The following ZNF254 variants were observed in gnomAD, a reference collection of about 807,000 sequenced individuals.
The protein encoded by ZNF254 is CTD-2017D11.1.
ZNF254 carries 10 observed loss-of-function variants against 12.4 expected under a neutral mutation model. The ratio of observed to expected loss-of-function variants is 0.80; its 90% confidence interval spans 0.50 to 1.36. ZNF254 has a LOEUF of 1.36. Ranked by LOEUF, ZNF254 falls within the 40% of genes most tolerant of loss-of-function variation. The pLI is 0.00. For synonymous variants in ZNF254, 305 were observed against 253.4 expected, an observed-to-expected ratio of 1.20 and a Z score of -1.93; for missense variants, 996 against 763.9, an observed-to-expected ratio of 1.30 and a Z score of -3.58.
chr19:24,063,032 C>T (rs527692839), intron 2 of ZNF254, among the ~76,000 whole-genome samples: 1 of 152,032 alleles, frequency 6.6e-6, no homozygotes, highest in Non-Finnish European at 1.5e-5. Context: ...AACTCCTGAC[C>T]TCAAGTGATC....
intron 1 of ZNF254, among the ~76,000 whole-genome samples, chr19:24,092,939 G>A (rs1021773569): frequency 1.3e-5 from 2 of 152,168 alleles, no homozygotes; most frequent in African/African-American, 2.4e-5. Context: ...GTGTATAAGC[G>A]TTCCCTTTTC....
rs775301370 is a variant in ZNF254 at position 24,127,791 on chromosome 19, T to C, written c.1791T>C (p.Thr597=). 6.2e-7 allele frequency: 1 copy of C among 1,612,880 alleles called. No homozygotes were observed. Among genetic ancestry groups the C allele is most frequent in the Non-Finnish European group, 8.5e-7 (1 of 1,179,624 alleles). Residue 597 remains threonine (T), a synonymous_variant, in exon 4 of 4, where the codon ACT becomes ACC. Coordinates refer to ENST00000357002, the MANE Select transcript of ZNF254 (RefSeq NM_203282.4). ...STFTKHKVIH[T]GVKPYKCEEC... ...TTACTAAACATAAGGTAATTCATAC[T>C]GGAGTAAAACCCTACAAATGTGAAG... is the stretch of plus-strand genomic sequence containing the variant.
chr19:24,063,923 T>C (rs563279417), intron 2 of ZNF254: 25 of 152,274 alleles, frequency 1.6e-4, no homozygotes, highest in Admixed American at 1.4e-3. Flanking sequence ...TTACAATCTC[T>C]TCTACGGGCA....
At chr19:24,061,651 A>T (rs981841673) in intron 2 of ZNF254, among the ~76,000 whole-genome samples, 1 of 151,858 alleles carries the variant, frequency 6.6e-6, no homozygotes, top group Non-Finnish European at 1.5e-5. Flanking sequence ...AGGTAATGTC[A>T]CTCTCCTGGG....
chr19:24,096,458 A>G (rs998399616), intron 1 of ZNF254, among the ~76,000 whole-genome samples: 4 of 152,142 alleles, frequency 2.6e-5, no homozygotes, highest in African/African-American at 9.7e-5. Flanking sequence ...TTTAATTTTT[A>G]TGTAATTGTA....
At chr19:24,119,314 C>T (rs988475743) in intron 3 of ZNF254, among the ~76,000 whole-genome samples, 1 of 151,934 alleles carries the variant, frequency 6.6e-6, no homozygotes, top group Non-Finnish European at 1.5e-5. Flanking sequence ...GTCTCAGCCT[C>T]CCAAGCAGCT....
intron 2 of ZNF254, among the ~76,000 whole-genome samples, chr19:24,049,215 TTTTTTTTTTTTTTTTA>T (rs1970550793): frequency 3.8e-5 from 1 of 26,612 alleles, no homozygotes; most frequent in Non-Finnish European, 8.4e-5. Flanking sequence ...TATATATATA[TTTTTTTTTTTTTTTTA>T]ATTTATTTAT....
chr19:24,055,525 C>T (rs1487048289), intron 2 of ZNF254, among the ~76,000 whole-genome samples: 1 of 152,082 alleles, frequency 6.6e-6, no homozygotes, highest in Non-Finnish European at 1.5e-5. Context: ...GATCCACCTG[C>T]ATCAGCCTCC....
intron 2 of ZNF254, among the ~76,000 whole-genome samples, chr19:24,047,934 A>T (rs1599586942): frequency 7.2e-6 from 1 of 139,446 alleles, no homozygotes; most frequent in Non-Finnish European, 1.5e-5. Flanking sequence ...TGATCTGCCC[A>T]CCTTAGCCTC....
chr19:24,042,770 C>T (rs1365649278), intron 1 of ZNF254, among the ~76,000 whole-genome samples: 1 of 152,196 alleles, frequency 6.6e-6, no homozygotes, highest in African/African-American at 2.4e-5. Context: ...ACTTTCCTCT[C>T]CACTAATATC....
intron 1 of ZNF254, among the ~76,000 whole-genome samples, chr19:24,092,418 C>G (rs1417906452): frequency 1.3e-5 from 2 of 151,680 alleles, no homozygotes; most frequent in Non-Finnish European, 2.9e-5. Context: ...GATCCACCCT[C>G]CCCCCCGGCC....
At chr19:24,116,159 T>C (rs926909493) in intron 3 of ZNF254, among the ~76,000 whole-genome samples, 2 of 151,318 alleles carry the variant, frequency 1.3e-5, no homozygotes, top group Non-Finnish European at 3.0e-5. Context: ...TTGGTCAATA[T>C]GACAATTATG....
intron 2 of ZNF254, among the ~76,000 whole-genome samples, chr19:24,081,742 G>T (rs1338442405): frequency 6.6e-6 from 1 of 152,084 alleles, no homozygotes; most frequent in Non-Finnish European, 1.5e-5. Flanking sequence ...TTTAAATATT[G>T]ATTAGTATTC....
intron 2 of ZNF254, among the ~76,000 whole-genome samples, chr19:24,054,631 G>A (rs568439994): frequency 6.6e-6 from 1 of 152,242 alleles, no homozygotes; most frequent in East Asian, 1.9e-4. Flanking sequence ...GCCTATGGCT[G>A]AAGTCTTGAA....
chr19:24,124,184 A>T (rs1323493484), intron 3 of ZNF254, among the ~76,000 whole-genome samples: 2 of 152,128 alleles, frequency 1.3e-5, no homozygotes, highest in African/African-American at 2.4e-5. Flanking sequence ...CCTCTAAAAG[A>T]TACAACAACA....
At chr19:24,042,312 CG>C (rs1322770613) in intron 1 of ZNF254, among the ~76,000 whole-genome samples, 3 of 152,164 alleles carry the variant, frequency 2.0e-5, no homozygotes, top group African/African-American at 7.2e-5. Flanking sequence ...ACAGGCCACT[CG>C]GCTCTACCAA....
intron 3 of ZNF254, among the ~76,000 whole-genome samples, chr19:24,110,334 G>A (rs192028142): frequency 3.2e-4 from 48 of 152,148 alleles, no homozygotes; most frequent in African/African-American, 6.7e-4. Context: ...GCCAGGACAG[G>A]AGGATTGCTT....
intron 2 of ZNF254, chr19:24,065,478 A>G (rs530115541): frequency 1.3e-5 from 2 of 152,272 alleles, no homozygotes; most frequent in African/African-American, 2.4e-5. Flanking sequence ...ATTGTGACAT[A>G]TAACTTGGCC....
rs1973292626 is a variant in ZNF254 at position 24,105,617 on chromosome 19, T to A, written c.31-323T>A. The A allele has an allele frequency of 1.2e-5, 3 of 240,656 alleles. No homozygotes were observed. In the South Asian group the frequency reaches 1.5e-4, roughly 12 times the overall value. 14.9% of individuals were successfully genotyped at this position (240,656 alleles called of 1,614,324 possible). ...AATATAAACAACTATGTCTTTTTCA[T>A]CTGAAAAATATACATAACTCATTCT... is the stretch of plus-strand genomic sequence containing the variant. On this transcript the variant is annotated intron_variant, in intron 1 of 3. Transcript: ENST00000357002.
Sources: gnomAD v4.1 joint callset for allele counts (sites outside exome capture counted in the v4.1 genomes callset) on GRCh38, gnomAD v4.1.1 for gene constraint, MANE v1.5 for transcripts, NCBI Gene and HGNC (gene_info 2026-07-23, HGNC 2026-07-21) for gene names.